IL22RA1: variants seen among roughly 807,000 people sequenced by gnomAD.
IL22RA1 encodes interleukin-22 receptor subunit alpha-1.
Under a neutral mutation model 32.8 loss-of-function variants are expected in IL22RA1, and 25 were observed. That is an observed-to-expected ratio of 0.76 (90% CI 0.55 to 1.06). The LOEUF (loss-of-function observed/expected upper bound fraction) is 1.06. IL22RA1 is among the 50% of genes least tolerant of loss of function. The pLI is 0.00. For synonymous variants in IL22RA1, 305 were observed against 305.0 expected (o/e 1.00, Z 0.00); for missense variants, 709 against 727.4 (o/e 0.97, Z 0.29).
chr1:24,130,122 A>G (rs1027600588), intron 4 of IL22RA1, among the ~76,000 whole-genome samples: 4 of 152,248 alleles, frequency 2.6e-5, no homozygotes, highest in African/African-American at 9.6e-5. Flanking sequence ...ACTTAAAAGC[A>G]TTGGAGAGAA....
Position 24,128,190 on chromosome 1 carries a change from G to T in IL22RA1, c.621C>A (p.Thr207=). The T allele has an allele frequency of 1.2e-6, 2 of 1,600,706 alleles. No homozygotes were observed. Among genetic ancestry groups the T allele is most frequent in the Non-Finnish European group, 1.7e-6 (2 of 1,173,498 alleles). Residue 207 remains threonine (T), a synonymous_variant, in exon 5 of 7, where the codon ACC becomes ACA. Transcript: ENST00000270800. ...FLGTIMICVP[T]WAKESAPYMC... ...TGTAGGGGGCACTCTCCTTGGCCCA[G>T]GTGGGAACGCAAATCATGATGGTGC... is the stretch of plus-strand genomic sequence containing the variant.
chr1:24,133,667 A>T (rs1050115985), intron 4 of IL22RA1, among the ~76,000 whole-genome samples: 1 of 152,224 alleles, frequency 6.6e-6, no homozygotes, highest in Non-Finnish European at 1.5e-5. Context: ...TCTAATGTGA[A>T]CATCTGAAGA....
rs1203968377 is a variant in IL22RA1, at chr1:24,137,210, G to A, written c.276C>T (p.Tyr92=). 5.0e-6 allele frequency: 8 copies of A among 1,614,056 alleles called. No homozygotes were observed. Among genetic ancestry groups the A allele is most frequent in the Non-Finnish European group, 6.8e-6 (8 of 1,180,046 alleles). The change falls in exon 3 of 7, where the codon TAC becomes TAT. Residue 92 remains tyrosine (Y), a synonymous_variant. Coordinates refer to ENST00000270800, the MANE Select transcript of IL22RA1 (RefSeq NM_021258.4). ...CACTGACAGCGGTGACCCTGGCATAGTAGAGCTCCGTGAGGTTGCCCGTCT... is the reference window on the plus strand; with the variant it reads ...CACTGACAGCGGTGACCCTGGCATAATAGAGCTCCGTGAGGTTGCCCGTCT... ...TVETGNLTEL[Y]YARVTAVSAG... is the part of the protein sequence containing the mutation.
intron 1 of IL22RA1, 140 bp from the exon 2 acceptor site, chr1:24,138,854 A>G (rs1644261379): frequency 4.0e-6 from 4 of 1,007,048 alleles, no homozygotes; most frequent in Non-Finnish European, 5.8e-6. Flanking sequence ...GTGGGTGGGC[A>G]GGGAGACCCT....
intron 3 of IL22RA1, among the ~76,000 whole-genome samples, chr1:24,136,398 G>C (rs181914723): frequency 6.6e-6 from 1 of 152,210 alleles, no homozygotes; most frequent in Non-Finnish European, 1.5e-5. Context: ...TAATTGCAGC[G>C]TGTGATCTGA....
At chr1:24,122,797 C>CAA (rs111881115) in intron 6 of IL22RA1, among the ~76,000 whole-genome samples, 9 of 136,536 alleles carry the variant, frequency 6.6e-5, no homozygotes, top group African/African-American at 2.4e-4. Flanking sequence ...GACTCCATCT[C>CAA]AAAAAAAAAA....
rs1298937215 is a variant in IL22RA1 at position 24,134,404 on chromosome 1, G to T, written c.356-18C>A. The T allele has an allele frequency of 6.9e-7, 1 of 1,450,634 alleles. No homozygotes were observed. 89.9% of individuals were successfully genotyped at this position (1,450,634 alleles called of 1,614,324 possible). On this transcript the variant is annotated intron_variant, in intron 3 of 6. Coordinates refer to ENST00000270800, the MANE Select transcript of IL22RA1 (RefSeq NM_021258.4). ...GAGGGTAGCTGGGGATAGGGAGAGAGAAAAGAGAAAAGAAAAAGTCAGAAT... is the reference window on the plus strand; with the variant it reads ...GAGGGTAGCTGGGGATAGGGAGAGATAAAAGAGAAAAGAAAAAGTCAGAAT...
chr1:24,142,901 A>G, intron 1 of IL22RA1, 139 bp downstream of exon 1: 1 of 803,900 alleles, frequency 1.2e-6, no homozygotes. Context: ...CTCCGTGAAC[A>G]CCCGGCACCC....
rs754861443 is a variant in IL22RA1, at chr1:24,120,776, G to A, written c.*29C>T. The A allele has an allele frequency of 2.6e-6, 4 of 1,553,710 alleles. No individual in the cohort carries two copies. Among genetic ancestry groups the A allele is most frequent in the Non-Finnish European group, 3.5e-6 (4 of 1,146,330 alleles). Reference sequence around the variant, plus strand: ...GGATGTGACACTGGGTAGGGACAGGGAGGAAGCACCAAGCCTTTCCCATTC... The same window carrying A: ...GGATGTGACACTGGGTAGGGACAGGAAGGAAGCACCAAGCCTTTCCCATTC... On this transcript the variant is annotated 3_prime_UTR_variant, in exon 7 of 7. Coordinates refer to ENST00000270800, the MANE Select transcript of IL22RA1 (RefSeq NM_021258.4).
intron 2 of IL22RA1, among the ~76,000 whole-genome samples, chr1:24,137,613 T>C (rs979015744): frequency 1.3e-5 from 2 of 150,486 alleles, no homozygotes; most frequent in African/African-American, 4.9e-5. Flanking sequence ...ACCTCTGGGG[T>C]TCGAGTGATT....
intron 5 of IL22RA1, 80 bp from the exon 6 acceptor site, chr1:24,123,503 G>T: frequency 6.4e-7 from 1 of 1,559,480 alleles, no homozygotes; most frequent in African/African-American, 1.4e-5. Context: ...CCCACATGTG[G>T]ATGCTGAAAA....
chr1:24,142,976 G>T, intron 1 of IL22RA1, 64 bp downstream of exon 1: 1 of 1,479,596 alleles, frequency 6.8e-7, no homozygotes, highest in Non-Finnish European at 9.4e-7. Context: ...GTGCTGGGGA[G>T]ATGACCCTGA....
At chr1:24,133,003 G>A (rs898197527) in intron 4 of IL22RA1, among the ~76,000 whole-genome samples, 1 of 151,392 alleles carries the variant, frequency 6.6e-6, no homozygotes, top group Admixed American at 6.6e-5. Flanking sequence ...ACTTCTCTTC[G>A]TTCCCTCATC....
chr1:24,139,258 T>C (rs1206202253), intron 1 of IL22RA1, among the ~76,000 whole-genome samples: 1 of 152,266 alleles, frequency 6.6e-6, no homozygotes, highest in African/African-American at 2.4e-5. Flanking sequence ...TTCACACGTG[T>C]GGTAGCATGG....
intron 5 of IL22RA1, among the ~76,000 whole-genome samples, chr1:24,127,606 C>G (rs562059168): frequency 1.3e-5 from 2 of 152,284 alleles, no homozygotes; most frequent in African/African-American, 4.8e-5. Flanking sequence ...AGCCACTGTG[C>G]CCGGCCATGG....
At chr1:24,142,898 A>C in intron 1 of IL22RA1, 142 bp downstream of exon 1, 22 of 791,484 alleles carry the variant, frequency 2.8e-5, no homozygotes, top group Non-Finnish European at 4.5e-5. Flanking sequence ...CTTCTCCGTG[A>C]ACACCCGGCA....
rs545514367 is a variant in IL22RA1 at position 24,125,526 on chromosome 1, G to A, written c.671-2103C>T. On this transcript the variant is annotated intron_variant, in intron 5 of 6. Transcript: ENST00000270800. ...TGCAGACGTCAGGATACACAGTCAA[G>A]GGCAGGATGCATCACTCTGAAATGG... Among the ~76,000 whole-genome samples, 31 of 149,758 alleles carry A rather than the reference G, an allele frequency of 2.1e-4. No individual in the cohort carries two copies. In the South Asian group the frequency reaches 2.5e-3, roughly 12 times the overall value.
At chr1:24,134,181 G>C (rs373213925) in intron 4 of IL22RA1, 30 bp downstream of exon 4, 2 of 1,575,338 alleles carry the variant, frequency 1.3e-6, no homozygotes, top group Non-Finnish European at 1.7e-6. Flanking sequence ...TTCCTAGGCA[G>C]AGAAAGACCA....
chr1:24,121,377 C>T lies in IL22RA1; in HGVS notation c.1153G>A (p.Val385Ile), dbSNP rs140471465. ...TGAGGGGCATAGGAGGAAGGCTGGA[C>T]CTTAGAGATGGCCTGTGGGGCGTAG... Reference protein sequence around the residue: ...PFYAPQAISKVQPSSYAPQAT... With the variant: ...PFYAPQAISKIQPSSYAPQAT... Residue 385 changes from valine (V) to isoleucine (I), a missense_variant, in exon 7 of 7, where the codon GTC (valine) becomes ATC (isoleucine). Coordinates refer to ENST00000270800, the MANE Select transcript of IL22RA1 (RefSeq NM_021258.4). 7.0e-3 allele frequency: 11,064 copies of T among 1,571,418 alleles called. 56 individuals are homozygous for T. Among genetic ancestry groups the T allele is most frequent in the Non-Finnish European group, 8.4e-3 (9,772 of 1,156,516 alleles).
Sources: allele counts gnomAD v4.1 joint callset (sites outside exome capture counted in the v4.1 genomes callset), GRCh38; gene constraint gnomAD v4.1.1; transcripts MANE v1.5; gene names NCBI Gene and HGNC (gene_info 2026-07-23, HGNC 2026-07-21).